OSBP2: variants seen among roughly 807,000 people sequenced by gnomAD.
OSBP2 encodes the protein oxysterol binding protein 2.
Under a neutral mutation model 96.0 loss-of-function variants are expected in OSBP2, and 66 were observed. The observed-to-expected ratio is 0.69, with a 90% CI of 0.56 to 0.84. The LOEUF (loss-of-function observed/expected upper bound fraction) is 0.84. OSBP2 is among the 40% of genes least tolerant of loss of function. The pLI is 0.00. For missense variants in OSBP2, 1,038 were observed against 1,222.7 expected, an observed-to-expected ratio of 0.85 and a Z score of 2.25; for synonymous variants, 525 against 520.9, an observed-to-expected ratio of 1.01 and a Z score of -0.11.
In OSBP2 at chr22:30,871,942, G is replaced by T. The variant is rs2039467694; in HGVS notation, c.1107+1260G>T. Among the ~76,000 whole-genome samples the T allele has an allele frequency of 6.6e-6, 1 of 152,272 alleles. No homozygotes were observed. Among genetic ancestry groups the T allele is most frequent in the South Asian group, 2.1e-4 (1 of 4,838 alleles). Reference sequence around the variant, plus strand: ...GCCTGGAGCACCCAAATGCAGCCTTGGGAATCCCACCCTGGGGCCTGAGGC... The same window carrying T: ...GCCTGGAGCACCCAAATGCAGCCTTTGGAATCCCACCCTGGGGCCTGAGGC... On this transcript the variant is annotated intron_variant, in intron 3 of 13. Transcript: ENST00000332585. The surrounding 1 kb of genome is among the most constrained non-coding windows in gnomAD (Gnocchi z 4.7).
chr22:30,706,790 C>A (rs1017455148), intron 1 of OSBP2, among the ~76,000 whole-genome samples: 2 of 152,182 alleles, frequency 1.3e-5, no homozygotes, highest in African/African-American at 4.8e-5. Context: ...TTCCTGCCAT[C>A]CCCTCAGCCA....
At chr22:30,768,629 A>G (rs965748623) in intron 2 of OSBP2, among the ~76,000 whole-genome samples, 1 of 152,008 alleles carries the variant, frequency 6.6e-6, no homozygotes, top group African/African-American at 2.4e-5. Flanking sequence ...GTGAGCCAAG[A>G]TCACACCATT....
In OSBP2 at chr22:30,893,687, T is replaced by A; in HGVS notation, c.2144T>A (p.Leu715Gln). 1 of 1,614,160 alleles carries A rather than the reference T, an allele frequency of 6.2e-7. No homozygotes were observed. Residue 715 changes from leucine to glutamine, a missense_variant, in exon 11 of 14, where the codon CTG (leucine) becomes CAG (glutamine). Physicochemically the swap from Leu to Gln is moderately radical, Grantham distance 113. Around this residue, in one of 3 missense-constraint regions of OSBP2, gnomAD observed 737 missense variants for 913.3 expected, o/e 0.81. Transcript: ENST00000332585. ...VNHKTNDRCQ[L>Q]KFLPYSYFSK... is the part of the protein sequence containing the mutation. ...CATAAGACCAATGACCGGTGCCAGC[T>A]GAAGTTCCTGCCCTACAGCTACTTC...
chr22:30,807,709 C>A (rs1332407830), intron 2 of OSBP2, among the ~76,000 whole-genome samples: 1 of 152,218 alleles, frequency 6.6e-6, no homozygotes. Flanking sequence ...TCCTTCCTCC[C>A]CTGAGCTTCC....
At chr22:30,905,687 G>A in intron 12 of OSBP2, 150 bp from the exon 13 acceptor site, 2 of 1,203,658 alleles carry the variant, frequency 1.7e-6, no homozygotes, top group East Asian at 2.6e-5. Flanking sequence ...GCTCACTGGG[G>A]TGGGCCCAAG....
At chr22:30,710,058 G>T (rs2089323063) in intron 1 of OSBP2, among the ~76,000 whole-genome samples, 2 of 151,874 alleles carry the variant, frequency 1.3e-5, no homozygotes, top group African/African-American at 4.8e-5. Context: ...AATTTTTTTG[G>T]TATTTTTAGT....
intron 2 of OSBP2, among the ~76,000 whole-genome samples, chr22:30,810,903 G>T (rs542257302): frequency 1.3e-5 from 2 of 152,204 alleles, no homozygotes; most frequent in Admixed American, 6.5e-5. Context: ...CACTCGTAGG[G>T]CATCACAGGT....
intron 2 of OSBP2, among the ~76,000 whole-genome samples, chr22:30,830,628 CA>C (rs1420118883): frequency 1.3e-5 from 2 of 152,210 alleles, no homozygotes; most frequent in Non-Finnish European, 2.9e-5. Context: ...ATCCCTTCCC[CA>C]AATCCCACTC....
chr22:30,850,283 G>A lies in OSBP2; in HGVS notation c.854-20146G>A, dbSNP rs1165180485. On this transcript the variant is annotated intron_variant, in intron 2 of 13. Coordinates refer to ENST00000332585, the MANE Select transcript of OSBP2 (RefSeq NM_030758.4). Reference sequence around the variant, plus strand: ...GATTGTACTACAGCACTTCAACCTGGGTAACAGAGCTAGACTCTGTCTCAA... The same window carrying A: ...GATTGTACTACAGCACTTCAACCTGAGTAACAGAGCTAGACTCTGTCTCAA... Among the ~76,000 whole-genome samples the A allele has an allele frequency of 2.0e-5, 3 of 149,282 alleles. No homozygotes were observed. In the East Asian group the frequency reaches 5.9e-4, roughly 30 times the overall value.
intron 1 of OSBP2, among the ~76,000 whole-genome samples, chr22:30,737,362 C>T (rs1331862000): frequency 7.2e-6 from 1 of 138,934 alleles, no homozygotes; most frequent in Admixed American, 7.7e-5. Context: ...CTCACTCTGT[C>T]ACTCAGGCTG....
At chr22:30,831,243 T>C (rs901468466) in intron 2 of OSBP2, among the ~76,000 whole-genome samples, 2 of 152,212 alleles carry the variant, frequency 1.3e-5, no homozygotes, top group African/African-American at 4.8e-5. Context: ...CTTCCATCAT[T>C]CTGAGAGATT....
In OSBP2 at chr22:30,893,546, G is replaced by A; in HGVS notation, c.2074G>A (p.Gly692Ser). The change falls in exon 10 of 14, where the codon GGC becomes AGC. Residue 692 changes from glycine (G) to serine (S), a missense_variant. Gly to Ser is a moderately conservative substitution (Grantham distance 56, BLOSUM62 0). Coordinates refer to ENST00000332585, the MANE Select transcript of OSBP2 (RefSeq NM_030758.4). ...STSTVHNIIV[G>S]KLWIDQSGDI... Reference sequence around the variant, plus strand: ...CTCAACTGTTCACAACATCATCGTGGGCAAGCTCTGGATCGACCAGGTCAG... The same window carrying A: ...CTCAACTGTTCACAACATCATCGTGAGCAAGCTCTGGATCGACCAGGTCAG... 1.2e-6 allele frequency: 2 copies of A among 1,614,144 alleles called. No individual in the cohort carries two copies. The highest frequency in any genetic ancestry group is 1.7e-6 in the Non-Finnish European group (2 of 1,179,998).
intron 5 of OSBP2, among the ~76,000 whole-genome samples, chr22:30,888,649 G>A (rs1465445344): frequency 1.3e-5 from 2 of 152,142 alleles, no homozygotes; most frequent in African/African-American, 4.8e-5. Flanking sequence ...GGTCGCTTGA[G>A]CCCAGGGAGG....
chr22:30,830,885 C>CA (rs136219), intron 2 of OSBP2, among the ~76,000 whole-genome samples: 63,959 of 149,022 alleles, frequency 0.43, 13,718 homozygotes, highest in South Asian at 0.47. Context: ...CATTGAGATC[C>CA]AAAAAAAAAA....
At chr22:30,792,230 T>C (rs529396903) in intron 2 of OSBP2, among the ~76,000 whole-genome samples, 1 of 152,196 alleles carries the variant, frequency 6.6e-6, no homozygotes, top group African/African-American at 2.4e-5. Context: ...GGAGAATTGC[T>C]TGAACTCGGG....
At chr22:30,859,035 C>T (rs2039150818) in intron 2 of OSBP2, among the ~76,000 whole-genome samples, 1 of 152,084 alleles carries the variant, frequency 6.6e-6, no homozygotes, top group Non-Finnish European at 1.5e-5. Context: ...GCCCCTACCC[C>T]TTCAGGGCCC....
In OSBP2 at chr22:30,779,083, G is replaced by GTA. The variant is rs1202554860; in HGVS notation, c.853+37723_853+37724dup. ...ATTTTATCTTTTAAAGTTTTTTGGT[G>GTA]TATATATATACAGATAGATACAGAA... On this transcript the variant is annotated intron_variant, in intron 2 of 13. Transcript: ENST00000332585. Among the ~76,000 whole-genome samples, 7 of 150,286 alleles carry GTA rather than the reference G, an allele frequency of 4.7e-5. No homozygotes were observed. In the South Asian group the frequency reaches 8.6e-4, roughly 18 times the overall value.
At chr22:30,716,881 G>T (rs2089465455) in intron 1 of OSBP2, among the ~76,000 whole-genome samples, 1 of 151,996 alleles carries the variant, frequency 6.6e-6, no homozygotes, top group Non-Finnish European at 1.5e-5. Flanking sequence ...TTACTTTGTT[G>T]ATTGTGTCCT....
At position 30,887,621 on chromosome 22, in the gene OSBP2, G is replaced by A. The variant is rs764113915; in HGVS notation, c.1300+3G>A. The A allele has an allele frequency of 9.4e-6, 15 of 1,587,684 alleles. No homozygotes were observed. The East Asian group carries it at 1.1e-4, about 12-fold the overall frequency. The stretch of plus-strand genomic sequence containing the variant: ...CCCCTCCAAGAGCTTCATTGAGGGT[G>A]AGTGGGCAGCCAGGGCAGGGCTGTC... On this transcript the variant is annotated splice_donor_region_variant and intron_variant, in intron 4 of 13. Transcript: ENST00000332585.
Sources: allele counts gnomAD v4.1 joint callset (sites outside exome capture counted in the v4.1 genomes callset), GRCh38; gene constraint gnomAD v4.1.1; regional missense constraint gnomAD v4.1.1; non-coding constraint Gnocchi (gnomAD v3.1); transcripts MANE v1.5; gene names NCBI Gene and HGNC (gene_info 2026-07-23, HGNC 2026-07-21).